Variants in CFAP47 observed in about 807,000 individuals in gnomAD.
The protein encoded by CFAP47 is cilia and flagella associated protein 47.
CFAP47 carries 29 observed loss-of-function variants against 148.1 expected under a neutral mutation model. That is an observed-to-expected ratio of 0.20 (90% CI 0.15 to 0.27). The LOEUF (loss-of-function observed/expected upper bound fraction) is 0.27, where lower values mean the gene tolerates loss of function less well. Ranked by LOEUF, CFAP47 falls within the 10% of genes least tolerant of loss-of-function variation. The probability of loss-of-function intolerance (pLI) is 1.00; values close to 1 mark genes in which losing one functional copy is unlikely to be tolerated. For missense variants in CFAP47, 1,872 were observed against 1,697.5 expected (o/e 1.10, Z -1.81); for synonymous variants, 664 against 577.3 (o/e 1.15, Z -2.15).
intron 62 of CFAP47, among the ~76,000 whole-genome samples, chrX:36,372,636 A>G (rs1602135014): frequency 1.8e-5 from 2 of 111,892 alleles, no homozygotes; most frequent in East Asian, 5.6e-4. Flanking sequence ...GGCACCTGCA[A>G]CACAATGGTA....
chrX:36,099,715 A>G, intron 31 of CFAP47, 36 bp from the exon 32 acceptor site: 1 of 664,541 alleles, frequency 1.5e-6, no homozygotes, highest in South Asian at 3.0e-5. Context: ...TTTGCCTTAA[A>G]TTTTAATTAA....
At chrX:36,300,338 A>G (rs7059073) in intron 52 of CFAP47, among the ~76,000 whole-genome samples, 648 of 107,266 alleles carry the variant, frequency 6.0e-3, no homozygotes, top group African/African-American at 0.021. Flanking sequence ...CACCCACGCT[A>G]GAGTGCAGTG....
chrX:36,126,203 A>T (rs1382969901), intron 33 of CFAP47, among the ~76,000 whole-genome samples: 2 of 109,176 alleles, frequency 1.8e-5, no homozygotes, highest in Non-Finnish European at 3.8e-5. Context: ...CCATCACCCA[A>T]TACCTAACAT....
At chrX:36,266,785 C>T (rs1285148404) in intron 49 of CFAP47, among the ~76,000 whole-genome samples, 1 of 110,842 alleles carries the variant, frequency 9.0e-6, no homozygotes, top group Non-Finnish European at 1.9e-5. Context: ...ATGGAAAAGA[C>T]AGCCCTTTTC....
At chrX:35,942,492 C>T (rs757010711) in intron 3 of CFAP47, among the ~76,000 whole-genome samples, 1 of 111,334 alleles carries the variant, frequency 9.0e-6, no homozygotes, top group African/African-American at 3.3e-5. Context: ...TGGCCTGACT[C>T]GAGTGTTAAG....
intron 48 of CFAP47, among the ~76,000 whole-genome samples, chrX:36,243,977 C>A (rs1204850994): frequency 9.1e-6 from 1 of 110,158 alleles, no homozygotes; most frequent in Admixed American, 9.7e-5. Context: ...ACCACATGTT[C>A]AGTAATTAAA....
At chrX:36,257,742 A>G (rs1178344426) in intron 49 of CFAP47, among the ~76,000 whole-genome samples, 1 of 111,980 alleles carries the variant, frequency 8.9e-6, no homozygotes, top group African/African-American at 3.2e-5. Flanking sequence ...ATTTGCACAC[A>G]GTATGTACTT....
intron 49 of CFAP47, among the ~76,000 whole-genome samples, chrX:36,262,704 T>A (rs1182869055): frequency 1.8e-5 from 2 of 112,478 alleles, no homozygotes; most frequent in Non-Finnish European, 3.8e-5. Flanking sequence ...TTTGATATAT[T>A]GATTTCCTTT....
At chrX:36,008,280 G>A (rs1388540159) in intron 21 of CFAP47, among the ~76,000 whole-genome samples, 2 of 111,054 alleles carry the variant, frequency 1.8e-5, no homozygotes, top group Admixed American at 1.9e-4. Context: ...GTGTCCCTAC[G>A]CTTCTATAAG....
chrX:36,165,971 C>G (rs766583016), intron 39 of CFAP47, among the ~76,000 whole-genome samples: 1 of 111,251 alleles, frequency 9.0e-6, no homozygotes, highest in Non-Finnish European at 1.9e-5. Flanking sequence ...TTGGAGATAC[C>G]GGGGTTAGGG....
chrX:36,316,716 A>T (rs1400657420), intron 56 of CFAP47, among the ~76,000 whole-genome samples: 2 of 112,053 alleles, frequency 1.8e-5, no homozygotes, highest in Non-Finnish European at 3.8e-5. Flanking sequence ...TGTGTTTTAT[A>T]TTTTTGTGAC....
chrX:36,301,641 G>A (rs901194493), intron 53 of CFAP47, among the ~76,000 whole-genome samples: 14 of 110,600 alleles, frequency 1.3e-4, no homozygotes, highest in Admixed American at 2.0e-4. Flanking sequence ...GCTGACAAAG[G>A]GTCATGTTAC....
At chrX:36,034,126 C>T (rs1380345297) in intron 23 of CFAP47, among the ~76,000 whole-genome samples, 1 of 111,622 alleles carries the variant, frequency 9.0e-6, no homozygotes, top group Non-Finnish European at 1.9e-5. Context: ...TCTCATCCAA[C>T]CTGTGACAGG....
In CFAP47 at chrX:36,014,801, G is replaced by T; in HGVS notation, c.3445G>T (p.Val1149Phe). 1 of 294,689 alleles carries T rather than the reference G, an allele frequency of 3.4e-6. No homozygotes were observed. Among genetic ancestry groups the T allele is most frequent in the Non-Finnish European group, 5.9e-6 (1 of 168,422 alleles). 24.3% of individuals were successfully genotyped at this position (294,689 alleles called of 1,213,427 possible). A position where few individuals can be genotyped will look rare whatever the true frequency, so the allele number is the denominator to read the frequency against. ...GACAGTAGTTGAATTCATCATTCAA[G>T]TTCAGATTAATTTCTTTGAGTCTTC... is the stretch of plus-strand genomic sequence containing the variant. ...EVTVVEFIIQ[V>F]QINFFESSKL... The change falls in exon 22 of 64, where the codon GTT becomes TTT. Residue 1149 changes from valine to phenylalanine, a missense_variant. Physicochemically the swap from Val to Phe is conservative, Grantham distance 50. Coordinates refer to ENST00000378653, the MANE Select transcript of CFAP47 (RefSeq NM_001304548.2).
At chrX:35,990,523 G>A (rs977994022) in intron 16 of CFAP47, among the ~76,000 whole-genome samples, 2 of 111,332 alleles carry the variant, frequency 1.8e-5, no homozygotes, top group Non-Finnish European at 3.8e-5. Flanking sequence ...TTTTCGATAA[G>A]CAAAGTGCTC....
chrX:36,321,780 C>A (rs1941481204), intron 57 of CFAP47, among the ~76,000 whole-genome samples: 2 of 111,834 alleles, frequency 1.8e-5, no homozygotes, highest in South Asian at 7.4e-4. Context: ...GCCTTCATGT[C>A]AAATAATATT....
intron 57 of CFAP47, among the ~76,000 whole-genome samples, chrX:36,340,630 T>A (rs1258176447): frequency 9.0e-6 from 1 of 111,539 alleles, no homozygotes; most frequent in Non-Finnish European, 1.9e-5. Flanking sequence ...ACTAATAACC[T>A]AATTTTCACT....
At chrX:36,308,669 C>T (rs1941369951) in intron 55 of CFAP47, among the ~76,000 whole-genome samples, 1 of 110,962 alleles carries the variant, frequency 9.0e-6, no homozygotes, top group Non-Finnish European at 1.9e-5. Flanking sequence ...ATATAGATTT[C>T]CATCCCTCTC....
intron 35 of CFAP47, chrX:36,144,788 CCTT>C: frequency 9.7e-7 from 1 of 1,025,740 alleles, no homozygotes; most frequent in Non-Finnish European, 1.3e-6. Flanking sequence ...ATTTTTTTCT[CCTT>C]CTGCCCTTGG....
Sources: gnomAD v4.1 joint callset for allele counts (sites outside exome capture counted in the v4.1 genomes callset) on GRCh38, gnomAD v4.1.1 for gene constraint, MANE v1.5 for transcripts, NCBI Gene and HGNC (gene_info 2026-07-23, HGNC 2026-07-21) for gene names.